PHEX: variants seen among roughly 807,000 people sequenced by gnomAD.
PHEX encodes phosphate-regulating neutral endopeptidase PHEX.
PHEX carries 16 observed loss-of-function variants against 68.0 expected under a neutral mutation model. The observed-to-expected ratio is 0.24, with a 90% CI of 0.16 to 0.36. The LOEUF (loss-of-function observed/expected upper bound fraction) is 0.36. Ranked by LOEUF, PHEX falls within the 10% of genes least tolerant of loss-of-function variation. The pLI is 1.00. For synonymous variants in PHEX, 208 were observed against 205.1 expected, an observed-to-expected ratio of 1.01 and a Z score of -0.12; for missense variants, 480 against 575.5, an observed-to-expected ratio of 0.83 and a Z score of 1.70.
chrX:22,249,455 A>AAAAAATATATATATATATAT lies in PHEX; in HGVS notation c.*1503_*1504insAAAATATATATATATATATA. The AAAAAATATATATATATATAT allele has an allele frequency of 1.5e-4, 6 of 39,758 alleles. No individual in the cohort carries two copies. The highest frequency in any genetic ancestry group is 2.5e-4 in the Non-Finnish European group (6 of 24,471). 3.3% of individuals were successfully genotyped at this position (39,758 alleles called of 1,213,427 possible). A position where few individuals can be genotyped will look rare whatever the true frequency, so the allele number is the denominator to read the frequency against. ...TTGTGATTCTTTTAAAAAAAAAAAA[A>AAAAAATATATATATATATAT]ATATATATATATATATATATATATA... On this transcript the variant is annotated 3_prime_UTR_variant, in exon 22 of 22. Transcript: ENST00000379374.
chrX:22,239,611 C>A (rs373252184), intron 20 of PHEX, among the ~76,000 whole-genome samples: 1 of 109,674 alleles, frequency 9.1e-6, no homozygotes. Context: ...TATCAATAGC[C>A]GAACTGATCA....
At chrX:22,091,963 G>T in intron 6 of PHEX, among the ~76,000 whole-genome samples, 1 of 111,529 alleles carries the variant, frequency 9.0e-6, no homozygotes, top group South Asian at 3.8e-4. Flanking sequence ...GAGAATATGT[G>T]GGGGAAACCA....
chrX:22,178,543 C>T (rs1933783811), intron 14 of PHEX, among the ~76,000 whole-genome samples, 167 bp downstream of exon 14: 3 of 111,633 alleles, frequency 2.7e-5, no homozygotes, highest in South Asian at 7.4e-4. Context: ...TTTTATATTA[C>T]GTGATTCAGA....
At chrX:22,100,645 T>C (rs1930372709) in intron 9 of PHEX, among the ~76,000 whole-genome samples, 1 of 111,232 alleles carries the variant, frequency 9.0e-6, no homozygotes, top group Admixed American at 9.6e-5. Flanking sequence ...AGGGGATAGA[T>C]TGGGATTTGG....
intron 13 of PHEX, among the ~76,000 whole-genome samples, chrX:22,175,917 C>T (rs1162713513): frequency 9.0e-6 from 1 of 111,056 alleles, no homozygotes; most frequent in Non-Finnish European, 1.9e-5. Flanking sequence ...AAGGTTTTGG[C>T]AGAGCTGTCT....
At chrX:22,179,908 C>T (rs111528368) in intron 14 of PHEX, among the ~76,000 whole-genome samples, 5,343 of 109,761 alleles carry the variant, frequency 0.049, 304 homozygotes, top group African/African-American at 0.16. Context: ...TTTTTTTTTA[C>T]AGTTTTTCCT....
chrX:22,153,194 G>T (rs1256723543), intron 12 of PHEX, among the ~76,000 whole-genome samples: 2 of 110,876 alleles, frequency 1.8e-5, no homozygotes, highest in African/African-American at 3.3e-5. Context: ...TCCCTATGTT[G>T]CCCAGGCTGG....
chrX:22,167,264 G>T (rs1004673772), intron 12 of PHEX, among the ~76,000 whole-genome samples: 2 of 110,824 alleles, frequency 1.8e-5, no homozygotes, highest in African/African-American at 6.6e-5. Flanking sequence ...GCCACCAACA[G>T]TGCTCAAGAG....
intron 14 of PHEX, among the ~76,000 whole-genome samples, chrX:22,187,111 A>G (rs1388338585): frequency 9.0e-6 from 1 of 111,694 alleles, no homozygotes; most frequent in African/African-American, 3.3e-5. Context: ...AACAGCACAG[A>G]TTTATTATCT....
chrX:22,247,425 A>G (rs1416349295), intron 21 of PHEX, among the ~76,000 whole-genome samples: 2 of 112,081 alleles, frequency 1.8e-5, no homozygotes, highest in Admixed American at 9.5e-5. Context: ...TGCTGTTGGT[A>G]TGGAACAGGC....
At chrX:22,155,917 C>G (rs1932940364) in intron 12 of PHEX, among the ~76,000 whole-genome samples, 2 of 111,497 alleles carry the variant, frequency 1.8e-5, no homozygotes, top group Non-Finnish European at 3.8e-5. Flanking sequence ...ATTGTGTGGG[C>G]TATATGGCTT....
At chrX:22,234,818 C>CAAAAA (rs371302739) in intron 20 of PHEX, among the ~76,000 whole-genome samples, 3 of 87,474 alleles carry the variant, frequency 3.4e-5, no homozygotes, top group African/African-American at 4.2e-5. Flanking sequence ...AGTGGGGTAT[C>CAAAAA]AAAAAAAAAA....
chrX:22,215,199 A>ATAGT (rs1282408797), intron 16 of PHEX, among the ~76,000 whole-genome samples: 1 of 111,335 alleles, frequency 9.0e-6, no homozygotes, highest in Non-Finnish European at 1.9e-5. Flanking sequence ...AGGCTAGGTC[A>ATAGT]TAGTTAATAC....
chrX:22,160,772 A>G (rs1054112287), intron 12 of PHEX, among the ~76,000 whole-genome samples: 2 of 111,106 alleles, frequency 1.8e-5, no homozygotes, highest in Non-Finnish European at 3.8e-5. Flanking sequence ...AAAACATATC[A>G]GTAAGTATTT....
intron 15 of PHEX, among the ~76,000 whole-genome samples, chrX:22,202,814 G>A (rs1378997111): frequency 1.8e-5 from 2 of 111,610 alleles, no homozygotes; most frequent in Non-Finnish European, 3.8e-5. Flanking sequence ...GCTTTATAGT[G>A]GAAGGAAATT....
chrX:22,198,645 C>T (rs1177233352), intron 15 of PHEX, among the ~76,000 whole-genome samples: 1 of 111,562 alleles, frequency 9.0e-6, no homozygotes, highest in African/African-American at 3.3e-5. Flanking sequence ...GCCACAAATG[C>T]TGGGGCACAG....
chrX:22,044,581 C>T (rs1434934455), intron 2 of PHEX, among the ~76,000 whole-genome samples: 1 of 109,123 alleles, frequency 9.2e-6, no homozygotes, highest in African/African-American at 3.3e-5. Context: ...GGCGTGGTGG[C>T]GGGTGCCTGT....
At chrX:22,106,471 A>G (rs1012927495) in intron 9 of PHEX, among the ~76,000 whole-genome samples, 1 of 111,669 alleles carries the variant, frequency 9.0e-6, no homozygotes, top group Non-Finnish European at 1.9e-5. Flanking sequence ...AGGAAATCTT[A>G]GCTAAATTAG....
rs201989896 is a variant in PHEX, at chrX:22,069,478, ATTAAT to A, written c.350-6907_350-6903del. ...TTGTAGTATCTGGCAATTTTATATA[ATTAAT>A]TTCATTATGGACAAGGAGGTCTTTT... On this transcript the variant is annotated intron_variant, in intron 3 of 21. Coordinates refer to ENST00000379374, the MANE Select transcript of PHEX (RefSeq NM_000444.6). Among the ~76,000 whole-genome samples the A allele has an allele frequency of 2.1e-4, 24 of 111,853 alleles. No individual in the cohort carries two copies. The East Asian group carries it at 5.6e-3, about 26-fold the overall frequency.
Sources: gnomAD v4.1 joint callset for allele counts (sites outside exome capture counted in the v4.1 genomes callset) on GRCh38, gnomAD v4.1.1 for gene constraint, MANE v1.5 for transcripts, NCBI Gene and HGNC (gene_info 2026-07-23, HGNC 2026-07-21) for gene names.